The following PCDH9 variants were observed in gnomAD, a reference collection of about 807,000 sequenced individuals.
PCDH9 encodes protocadherin-9.
In PCDH9, 24 loss-of-function variants were observed where a neutral mutation model predicts 70.6. The ratio of observed to expected loss-of-function variants is 0.34; its 90% CI spans 0.25 to 0.48. The LOEUF (loss-of-function observed/expected upper bound fraction) is 0.48. Ranked by LOEUF, PCDH9 falls within the 20% of genes least tolerant of loss-of-function variation. The probability of loss-of-function intolerance (pLI) is 0.99; values close to 1 mark genes in which losing one functional copy is unlikely to be tolerated. For synonymous variants in PCDH9, 562 were observed against 558.5 expected (o/e 1.01, Z -0.09); for missense variants, 1,281 against 1,503.6 (o/e 0.85, Z 2.45).
intron 4 of PCDH9, among the ~76,000 whole-genome samples, chr13:66,332,809 CATATATATATATGT>C (rs1955967100): frequency 1.3e-5 from 2 of 149,290 alleles, no homozygotes; most frequent in Non-Finnish European, 1.5e-5. Flanking sequence ...TAAAGAAAGG[CATATATATATATGT>C]ATATATATAT....
At chr13:67,214,933 C>CATATAT (rs1388312996) in intron 2 of PCDH9, 13 of 26,130 alleles carry the variant, frequency 5.0e-4, no homozygotes, top group African/African-American at 1.6e-3. Context: ...TATTGCGAGC[C>CATATAT]AGATATATAT....
At chr13:66,861,300 A>T (rs1397792443) in intron 3 of PCDH9, among the ~76,000 whole-genome samples, 1 of 152,184 alleles carries the variant, frequency 6.6e-6, no homozygotes, top group African/African-American at 2.4e-5. Context: ...GTGATAAATC[A>T]GAACTTGGAA....
chr13:67,070,941 C>T (rs2085749504), intron 2 of PCDH9, among the ~76,000 whole-genome samples: 1 of 152,092 alleles, frequency 6.6e-6, no homozygotes, highest in Non-Finnish European at 1.5e-5. Flanking sequence ...TTTTATCAAG[C>T]TCCTAAACTC....
intron 3 of PCDH9, among the ~76,000 whole-genome samples, chr13:66,689,928 G>A (rs2078458899): frequency 6.6e-6 from 1 of 152,072 alleles, no homozygotes; most frequent in Non-Finnish European, 1.5e-5. Context: ...TATGCCTCGA[G>A]ATATATCCTA....
At chr13:66,630,801 G>C (rs914416272) in intron 4 of PCDH9, 2 of 152,894 alleles carry the variant, frequency 1.3e-5, no homozygotes, top group South Asian at 2.1e-4. Context: ...TTTTTGTAAA[G>C]TGTTCACTGG....
At position 67,037,085 on chromosome 13, in the gene PCDH9, A is replaced by G. The variant is rs183623523; in HGVS notation, c.3037-133480T>C. On this transcript the variant is annotated intron_variant, in intron 2 of 4. Transcript: ENST00000377865. ...CAGACTTAGTTAAAAGCAGCTTTAGAGTGCCCCTCAATCCCTGATTACATC... is the reference window on the plus strand; with the variant it reads ...CAGACTTAGTTAAAAGCAGCTTTAGGGTGCCCCTCAATCCCTGATTACATC... Among the ~76,000 whole-genome samples, 17 of 152,302 alleles carry G rather than the reference A, an allele frequency of 1.1e-4. No individual in the cohort carries two copies. In the East Asian group the frequency reaches 3.1e-3, roughly 28 times the overall value.
At chr13:66,797,962 T>G (rs557154575) in intron 3 of PCDH9, among the ~76,000 whole-genome samples, 1,582 of 149,530 alleles carry the variant, frequency 0.011, 13 homozygotes, top group Middle Eastern at 0.021. Context: ...TCTTGGGGGG[T>G]GTGTGTGTGT....
intron 2 of PCDH9, among the ~76,000 whole-genome samples, chr13:67,122,556 C>T (rs112525057): frequency 0.12 from 18,134 of 151,706 alleles, 1,447 homozygotes; most frequent in Non-Finnish European, 0.17. Context: ...GGGCGGATGA[C>T]GAGGTCAGGA....
At chr13:67,174,245 G>A (rs1472974697) in intron 2 of PCDH9, among the ~76,000 whole-genome samples, 1 of 151,898 alleles carries the variant, frequency 6.6e-6, no homozygotes, top group African/African-American at 2.4e-5. Flanking sequence ...ATAGCAGATA[G>A]GCAGACTATA....
intron 2 of PCDH9, among the ~76,000 whole-genome samples, chr13:66,964,322 G>A (rs907855149): frequency 3.3e-5 from 5 of 151,312 alleles, no homozygotes; most frequent in African/African-American, 1.2e-4. Context: ...GATAAAGACA[G>A]GCAAAACAAA....
chr13:67,158,636 C>T (rs1239915903), intron 2 of PCDH9, among the ~76,000 whole-genome samples: 1 of 152,184 alleles, frequency 6.6e-6, no homozygotes, highest in Non-Finnish European at 1.5e-5. Context: ...CCAGATCTGC[C>T]AGCATCTTCA....
chr13:66,769,192 G>C (rs1348091383), intron 3 of PCDH9, among the ~76,000 whole-genome samples: 1 of 151,860 alleles, frequency 6.6e-6, no homozygotes, highest in Non-Finnish European at 1.5e-5. Flanking sequence ...CAGGGTTCCA[G>C]TAAAGGAAAT....
At chr13:67,122,799 T>TAAC (rs1297321465) in intron 2 of PCDH9, among the ~76,000 whole-genome samples, 1 of 149,894 alleles carries the variant, frequency 6.7e-6, no homozygotes, top group African/African-American at 2.4e-5. Context: ...ATAATAATAA[T>TAAC]AATAATAATA....
intron 2 of PCDH9, among the ~76,000 whole-genome samples, chr13:67,112,558 T>C (rs2086677648): frequency 6.6e-6 from 1 of 152,138 alleles, no homozygotes; most frequent in Non-Finnish European, 1.5e-5. Flanking sequence ...ATCAAAGAAT[T>C]AAAAGAATAT....
chr13:67,085,340 C>CA (rs138857015), intron 2 of PCDH9, among the ~76,000 whole-genome samples: 14,535 of 150,636 alleles, frequency 0.096, 767 homozygotes, highest in Non-Finnish European at 0.12. Context: ...CAAAACATAA[C>CA]AAAAAAAACT....
In PCDH9 at chr13:66,939,313, A is replaced by C. The variant is rs78705270; in HGVS notation, c.3037-35708T>G. On this transcript the variant is annotated intron_variant, in intron 2 of 4. Coordinates refer to ENST00000377865, the MANE Select transcript of PCDH9 (RefSeq NM_203487.3). ...AAAACCATGAAAGATTAGTTTTCTG[A>C]ACTGTGTATGTGTTCTGAACATGTG... Among the ~76,000 whole-genome samples the C allele has an allele frequency of 7.2e-5, 11 of 152,268 alleles. No homozygotes were observed. The East Asian group carries it at 2.1e-3, about 29-fold the overall frequency.
Position 67,028,073 on chromosome 13 carries a change from A to G in PCDH9, c.3037-124468T>C, listed in dbSNP as rs1345808442. Among the ~76,000 whole-genome samples the G allele has an allele frequency of 1.1e-4, 16 of 151,360 alleles. No individual in the cohort carries two copies. The South Asian group carries it at 3.4e-3, about 32-fold the overall frequency. On this transcript the variant is annotated intron_variant, in intron 2 of 4. Coordinates refer to ENST00000377865, the MANE Select transcript of PCDH9 (RefSeq NM_203487.3). ...ACCCAGCCATCCCATTACTGAGTAT[A>G]TACCCAAATGACTATAAATCATGCT... is the stretch of plus-strand genomic sequence containing the variant.
intron 2 of PCDH9, among the ~76,000 whole-genome samples, chr13:67,093,478 T>C (rs1395921750): frequency 2.6e-5 from 4 of 151,734 alleles, no homozygotes; most frequent in Non-Finnish European, 4.4e-5. Context: ...AATAAGTAAA[T>C]AAATAAACGA....
At chr13:67,041,038 G>A (rs2085103293) in intron 2 of PCDH9, among the ~76,000 whole-genome samples, 1 of 151,758 alleles carries the variant, frequency 6.6e-6, no homozygotes, top group Non-Finnish European at 1.5e-5. Context: ...AGGAGAAAAA[G>A]CAAGAACAGA....
Sources: allele counts gnomAD v4.1 joint callset (sites outside exome capture counted in the v4.1 genomes callset), GRCh38; gene constraint gnomAD v4.1.1; transcripts MANE v1.5; gene names NCBI Gene and HGNC (gene_info 2026-07-23, HGNC 2026-07-21).